The following DGCR8 variants were observed in gnomAD, a reference collection of about 807,000 sequenced individuals.
DGCR8 encodes the protein DGCR8 microprocessor complex subunit.
DGCR8 carries 14 observed loss-of-function variants against 78.5 expected under a neutral mutation model. That is an observed-to-expected ratio of 0.18 (90% CI 0.12 to 0.28). DGCR8 has a LOEUF of 0.28. Among genes scored for constraint, DGCR8 ranks in the 10% least tolerant of loss-of-function variants. The pLI is 1.00. For missense variants in DGCR8, 702 were observed against 1,022.5 expected (o/e 0.69, Z 4.28); for synonymous variants, 399 against 402.4 (o/e 0.99, Z 0.10).
In DGCR8 at chr22:20,106,743, CCCCTGGTGTGG is replaced by C. The variant is rs375790576; in HGVS notation, c.1996+51_1996+61del. On this transcript the variant is annotated intron_variant, in intron 11 of 13. Coordinates refer to ENST00000351989, the MANE Select transcript of DGCR8 (RefSeq NM_022720.7). ...TGCCTGGTGGCCGCTGGGCGGGCGG[CCCCTGGTGTGG>C]CCCTGCGCCTCTGTGGCTTGGTCTC... 66 of 1,410,760 alleles carry C rather than the reference CCCCTGGTGTGG, an allele frequency of 4.7e-5. 2 individuals are homozygous for C. The highest frequency in any genetic ancestry group is 4.2e-4 in the African/African-American group (30 of 71,118). 87.4% of individuals were successfully genotyped at this position (1,410,760 alleles called of 1,614,324 possible). A position where few individuals can be genotyped will look rare whatever the true frequency, so the allele number is the denominator to read the frequency against.
Position 20,092,848 on chromosome 22 carries a change from A to G in DGCR8, c.1646A>G (p.Asp549Gly), listed in dbSNP as rs1045330975. Residue 549 changes from aspartate to glycine, a missense_variant, in exon 8 of 14, where the codon GAT becomes GGT. Transcript: ENST00000351989. ...SEPFGASVTIDGVTYGSGTAS... is the reference protein window; with the variant it reads ...SEPFGASVTIGGVTYGSGTAS... Reference sequence around the variant, plus strand: ...CCTTTTGGTGCCTCGGTGACCATTGATGGTGTGACTTACGGATCTGGAACT... The same window carrying G: ...CCTTTTGGTGCCTCGGTGACCATTGGTGGTGTGACTTACGGATCTGGAACT... 6.2e-7 allele frequency: 1 copy of G among 1,613,816 alleles called. No homozygotes were observed. Among genetic ancestry groups the G allele is most frequent in the South Asian group, 1.1e-5 (1 of 91,052 alleles).
intron 7 of DGCR8, among the ~76,000 whole-genome samples, chr22:20,092,520 C>A (rs1056660471): frequency 1.2e-4 from 19 of 152,216 alleles, no homozygotes; most frequent in Non-Finnish European, 2.8e-4. Flanking sequence ...CTTTCGTAGA[C>A]CTTGGTCCCT....
chr22:20,091,856 C>T lies in DGCR8; in HGVS notation c.1505-13C>T, dbSNP rs1167865984. On this transcript the variant is annotated splice_polypyrimidine_tract_variant and intron_variant, in intron 6 of 13. Coordinates refer to ENST00000351989, the MANE Select transcript of DGCR8 (RefSeq NM_022720.7). Reference sequence around the variant, plus strand: ...CTGCTTCACACTTGCTGAGATGGTTCTTTTTGTCACAGAGTTTGTTATTAA... The same window carrying T: ...CTGCTTCACACTTGCTGAGATGGTTTTTTTTGTCACAGAGTTTGTTATTAA... 6.2e-7 allele frequency: 1 copy of T among 1,613,032 alleles called. No homozygotes were observed. The highest frequency in any genetic ancestry group is 1.1e-5 in the South Asian group (1 of 91,020).
rs1156310683 is a variant in DGCR8, at chr22:20,110,893, AAC to A, written c.*787_*788del. 2 of 297,938 alleles carry A rather than the reference AAC, an allele frequency of 6.7e-6. No individual in the cohort carries two copies. Among genetic ancestry groups the A allele is most frequent in the Admixed American group, 5.1e-5 (1 of 19,492 alleles). The allele number at this position is 297,938 out of a possible 1,614,324, so 18.5% of individuals were successfully genotyped here. A position where few individuals can be genotyped will look rare whatever the true frequency, so the allele number is the denominator to read the frequency against. ...CTCTCTGCCTTTCCTGGCCTCCGGCAACAGTTTTTTACAAAGATTTTTTGCAG... is the reference window on the plus strand; with the variant it reads ...CTCTCTGCCTTTCCTGGCCTCCGGCAAGTTTTTTACAAAGATTTTTTGCAG... On this transcript the variant is annotated 3_prime_UTR_variant, in exon 14 of 14. Coordinates refer to ENST00000351989, the MANE Select transcript of DGCR8 (RefSeq NM_022720.7).
intron 12 of DGCR8, chr22:20,108,605 C>T: frequency 3.0e-6 from 1 of 328,468 alleles, no homozygotes; most frequent in South Asian, 2.7e-5. Flanking sequence ...AGCACCTCAC[C>T]TCCCTACTCT....
At chr22:20,102,432 C>T (rs970856692) in intron 9 of DGCR8, among the ~76,000 whole-genome samples, 15 of 152,288 alleles carry the variant, frequency 9.8e-5, no homozygotes, top group East Asian at 3.9e-4. Flanking sequence ...CCCCTCAGTG[C>T]GTCTCTCCAT....
At position 20,086,346 on chromosome 22, in the gene DGCR8, G is replaced by A. The variant is rs745740923; in HGVS notation, c.383G>A (p.Cys128Tyr). The change falls in exon 2 of 14, where the codon TGC (cysteine) becomes TAC (tyrosine). Residue 128 changes from cysteine (C) to tyrosine (Y), a missense_variant. Physicochemically the swap from Cys to Tyr is radical, Grantham distance 194. Transcript: ENST00000351989. The surrounding 1 kb of genome is among the most constrained non-coding windows in gnomAD (Gnocchi z 6.4). ...VKISVSFTES[C>Y]RSKDRKVLYT... The stretch of plus-strand genomic sequence containing the variant: ...ATTAGCGTGAGCTTTACCGAGAGCT[G>A]CAGGAGTAAGGACAGGAAGGTGCTG... 2 of 1,614,104 alleles carry A rather than the reference G, an allele frequency of 1.2e-6. No individual in the cohort carries two copies. The highest frequency in any genetic ancestry group is 2.2e-5 in the South Asian group (2 of 91,074).
chr22:20,109,679 T>A (rs1475843010), intron 13 of DGCR8, among the ~76,000 whole-genome samples: 1 of 152,164 alleles, frequency 6.6e-6, no homozygotes, highest in Non-Finnish European at 1.5e-5. Flanking sequence ...TGCTCCTGGC[T>A]GGGCCTGGGG....
At position 20,110,290 on chromosome 22, in the gene DGCR8, A is replaced by T. The variant is rs2147945770; in HGVS notation, c.*182A>T. 1 of 596,934 alleles carries T rather than the reference A, an allele frequency of 1.7e-6. No individual in the cohort carries two copies. The highest frequency in any genetic ancestry group is 2.9e-5 in the East Asian group (1 of 34,390). 37.0% of individuals were successfully genotyped at this position (596,934 alleles called of 1,614,324 possible). On this transcript the variant is annotated 3_prime_UTR_variant, in exon 14 of 14. Transcript: ENST00000351989. ...AGGGACAGCCATGGCCACACAGCAC[A>T]CATGTGGAGCAGCGGCTCTCCCTGG...
At position 20,111,714 on chromosome 22, in the gene DGCR8, C is replaced by G. The variant is rs1009666310; in HGVS notation, c.*1606C>G. On this transcript the variant is annotated 3_prime_UTR_variant, in exon 14 of 14. Coordinates refer to ENST00000351989, the MANE Select transcript of DGCR8 (RefSeq NM_022720.7). ...TCTTGTGGTCTCTGTGCGCCCCCCC[C>G]CCCCCCCCACCCGTCTGCCAAGCAT... is the stretch of plus-strand genomic sequence containing the variant. The G allele has an allele frequency of 5.6e-6, 1 of 179,402 alleles. No homozygotes were observed. Among genetic ancestry groups the G allele is most frequent in the African/African-American group, 4.7e-5 (1 of 21,328 alleles). The allele number at this position is 179,402 out of a possible 1,614,324, so 11.1% of individuals were successfully genotyped here.
In DGCR8 at chr22:20,085,216, C is replaced by G. The variant is rs915261826; in HGVS notation, c.-277-471C>G. 2.0e-5 allele frequency among the ~76,000 whole-genome samples: 3 copies of G among 152,160 alleles called. No individual in the cohort carries two copies. The highest frequency in any genetic ancestry group is 7.2e-5 in the African/African-American group (3 of 41,422). ...GGCCATGCCTCTGAGGCCCCTAGTG[C>G]CGCAGAGTTGAGCTGAGGGTCTCGC... On this transcript the variant is annotated intron_variant, in intron 1 of 13. Transcript: ENST00000351989. This position sits in a 1 kb window ranked among gnomAD's most constrained non-coding sequence, Gnocchi z 6.2.
intron 5 of DGCR8, among the ~76,000 whole-genome samples, chr22:20,091,010 C>T (rs1440534434): frequency 6.6e-6 from 1 of 152,106 alleles, no homozygotes; most frequent in Admixed American, 6.5e-5. Flanking sequence ...CAGGGAGCTG[C>T]CTGGGTGTGT....
Position 20,092,889 on chromosome 22 carries a change from C to T in DGCR8, c.1687C>T (p.Leu563Phe). 1.2e-6 allele frequency: 2 copies of T among 1,613,608 alleles called. No homozygotes were observed. Among genetic ancestry groups the T allele is most frequent in the Non-Finnish European group, 1.7e-6 (2 of 1,179,690 alleles). ...YGSGTASSKK[L>F]AKNKAARATL... The stretch of plus-strand genomic sequence containing the variant: ...ATCTGGAACTGCAAGCAGCAAAAAA[C>T]TTGCGAAGAATAAAGCTGGTAACGT... Residue 563 changes from leucine to phenylalanine, a missense_variant, in exon 8 of 14, where the codon CTT becomes TTT. This residue lies in a region of DGCR8 where 225 missense variants were observed against 427.7 expected (regional missense o/e 0.53). Coordinates refer to ENST00000351989, the MANE Select transcript of DGCR8 (RefSeq NM_022720.7).
At chr22:20,081,978 C>T (rs2049423207) in intron 1 of DGCR8, among the ~76,000 whole-genome samples, 1 of 152,144 alleles carries the variant, frequency 6.6e-6, no homozygotes, top group Non-Finnish European at 1.5e-5. Context: ...ATTCTCTTTA[C>T]TGTCACCTTA....
Position 20,090,184 on chromosome 22 carries a change from T to G in DGCR8, c.1232T>G (p.Leu411Arg). 1 of 1,614,210 alleles carries G rather than the reference T, an allele frequency of 6.2e-7. No homozygotes were observed. The highest frequency in any genetic ancestry group is 8.5e-7 in the Non-Finnish European group (1 of 1,180,036). The change falls in exon 5 of 14, where the codon CTA (leucine) becomes CGA (arginine). Residue 411 changes from leucine (L) to arginine (R), a missense_variant. This residue lies in a region of DGCR8 where 119 missense variants were observed against 126.1 expected (regional missense o/e 0.94). Transcript: ENST00000351989. ...GGGCCCCCGGACGAGAAAGACCCACTAGGGGCTGAGGCAGCCCCTGGGGCC... is the reference window on the plus strand; with the variant it reads ...GGGCCCCCGGACGAGAAAGACCCACGAGGGGCTGAGGCAGCCCCTGGGGCC... ...DPGPPDEKDP[L>R]GAEAAPGALG...
intron 1 of DGCR8, 180 bp downstream of exon 1, chr22:20,080,563 G>C (rs61174903): frequency 0.24 from 202,110 of 859,312 alleles, 25,776 homozygotes; most frequent in South Asian, 0.3. Flanking sequence ...GGGTGGGGAC[G>C]CCTCCGGGGC....
In DGCR8 at chr22:20,087,989, T is replaced by TG. The variant is rs952958058; in HGVS notation, c.880+670dup. Among the ~76,000 whole-genome samples the TG allele has an allele frequency of 2.6e-5, 4 of 151,832 alleles. No individual in the cohort carries two copies. The highest frequency in any genetic ancestry group is 9.7e-5 in the African/African-American group (4 of 41,292). On this transcript the variant is annotated intron_variant, in intron 3 of 13. Transcript: ENST00000351989. The surrounding 1 kb of genome is among the most constrained non-coding windows in gnomAD (Gnocchi z 4.1). ...TTGGAGGCACCTATGAGGGTCCTGG[T>TG]GGAGATGTGGGGCTCGGTAGAGGGA... is the stretch of plus-strand genomic sequence containing the variant.
chr22:20,080,480 A>G (rs1568949056), intron 1 of DGCR8, 97 bp downstream of exon 1: 1 of 982,736 alleles, frequency 1.0e-6, no homozygotes, highest in Non-Finnish European at 1.2e-6. Flanking sequence ...TCCGGGACCG[A>G]GGCCGCGGGC....
chr22:20,081,636 A>C lies in DGCR8; in HGVS notation c.-278+1253A>C, dbSNP rs2049419269. On this transcript the variant is annotated intron_variant, in intron 1 of 13. Coordinates refer to ENST00000351989, the MANE Select transcript of DGCR8 (RefSeq NM_022720.7). The stretch of plus-strand genomic sequence containing the variant: ...TTGTAGCCCTCTCCTTTGTGATGTC[A>C]CCCAGCCTCCTGACTTTAATGCCAG... 2.6e-5 allele frequency among the ~76,000 whole-genome samples: 4 copies of C among 152,190 alleles called. No homozygotes were observed. The South Asian group carries it at 8.3e-4, about 32-fold the overall frequency.
Sources: allele counts gnomAD v4.1 joint callset (sites outside exome capture counted in the v4.1 genomes callset), GRCh38; gene constraint gnomAD v4.1.1; regional missense constraint gnomAD v4.1.1; non-coding constraint Gnocchi (gnomAD v3.1); transcripts MANE v1.5; gene names NCBI Gene and HGNC (gene_info 2026-07-23, HGNC 2026-07-21).